Variants in TJP1 observed in about 807,000 individuals in gnomAD.
TJP1 encodes tight junction protein ZO-1.
In TJP1, 43 loss-of-function variants were observed where a neutral mutation model predicts 194.2. That is an observed-to-expected ratio of 0.22 (90% CI 0.17 to 0.29). The LOEUF is 0.29. Among genes scored for constraint, TJP1 ranks in the 10% least tolerant of loss-of-function variants. The probability of loss-of-function intolerance (pLI) is 1.00; values close to 1 mark genes in which losing one functional copy is unlikely to be tolerated. For missense variants in TJP1, 1,971 were observed against 2,185.7 expected (o/e 0.90, Z 1.96); for synonymous variants, 801 against 779.0 (o/e 1.03, Z -0.47).
At chr15:29,750,499 C>T (rs957942108) in intron 8 of TJP1, among the ~76,000 whole-genome samples, 3 of 152,152 alleles carry the variant, frequency 2.0e-5, no homozygotes, top group African/African-American at 7.2e-5. Flanking sequence ...TCCCTCATTA[C>T]TCCTGTTATG....
Position 29,822,220 on chromosome 15 carries a change from C to T in TJP1, c.-192G>A. ...ACAAAAGTCCGGGAAGCGCCCGCCC[C>T]GCCCGGGTCTTCTCCACGGGGCGCG... On this transcript the variant is annotated 5_prime_UTR_variant, in exon 1 of 28. Transcript: ENST00000614355. The T allele has an allele frequency of 1.7e-6, 2 of 1,177,702 alleles. No individual in the cohort carries two copies. The highest frequency in any genetic ancestry group is 2.1e-6 in the Non-Finnish European group (2 of 952,860). 73.0% of individuals were successfully genotyped at this position (1,177,702 alleles called of 1,614,324 possible). A position where few individuals can be genotyped will look rare whatever the true frequency, so the allele number is the denominator to read the frequency against.
At chr15:29,729,637 G>C (rs1453133122) in intron 15 of TJP1, 3 of 151,934 alleles carry the variant, frequency 2.0e-5, no homozygotes, top group Non-Finnish European at 2.9e-5. Context: ...GGCTAACACG[G>C]TGAAACCCCG....
rs775904860 is a variant in TJP1 at position 29,732,689 on chromosome 15, C to A, written c.1863G>T (p.Leu621Phe). The part of the protein sequence containing the change: ...KRNLRKSRED[L>F]SAQPVQTKFP... ...ACTTTGTTTGAACAGGCTGAGCGGACAAATCCTCTCTGCTTTTTCGAAGAT... is the reference window on the plus strand; with the variant it reads ...ACTTTGTTTGAACAGGCTGAGCGGAAAAATCCTCTCTGCTTTTTCGAAGAT... The change falls in exon 14 of 28, where the codon TTG becomes TTT. Residue 621 changes from leucine (L) to phenylalanine (F), a missense_variant. By Grantham distance (22) the Leu-to-Phe change is conservative. Coordinates refer to ENST00000614355, the MANE Select transcript of TJP1 (RefSeq NM_001330239.4). 5 of 1,614,196 alleles carry A rather than the reference C, an allele frequency of 3.1e-6. No homozygotes were observed. The highest frequency in any genetic ancestry group is 4.2e-6 in the Non-Finnish European group (5 of 1,180,046).
chr15:29,741,116 G>T, intron 10 of TJP1: 1 of 397,272 alleles, frequency 2.5e-6, no homozygotes, highest in Non-Finnish European at 4.4e-6. Context: ...GGAGACAGCG[G>T]TGAGAAAGAA....
At chr15:29,957,882 C>T (rs995623774) in intron 1 of TJP1, among the ~76,000 whole-genome samples, 1 of 152,052 alleles carries the variant, frequency 6.6e-6, no homozygotes, top group Middle Eastern at 3.2e-3. Context: ...ATGAGAATAC[C>T]CATTTGGGGG....
At chr15:29,917,211 G>A (rs888240480) in intron 2 of TJP1, among the ~76,000 whole-genome samples, 1 of 152,192 alleles carries the variant, frequency 6.6e-6, no homozygotes, top group African/African-American at 2.4e-5. Context: ...CTTCATCACA[G>A]CTCCTAGGTG....
At chr15:29,842,909 C>A (rs1567125574) in intron 2 of TJP1, among the ~76,000 whole-genome samples, 1 of 152,142 alleles carries the variant, frequency 6.6e-6, no homozygotes. Context: ...CTTGGCTTTG[C>A]CAGCTACATG....
At chr15:29,759,754 A>C (rs577210765) in intron 8 of TJP1, 2 of 154,586 alleles carry the variant, frequency 1.3e-5, no homozygotes, top group South Asian at 4.1e-4. Flanking sequence ...TTCACTTAGC[A>C]CAATGCCCTC....
chr15:29,874,056 C>T (rs1436137395), intron 2 of TJP1, among the ~76,000 whole-genome samples: 2 of 152,172 alleles, frequency 1.3e-5, no homozygotes, highest in Non-Finnish European at 2.9e-5. Flanking sequence ...GTACCACCCA[C>T]GGGGAGTTGC....
chr15:29,710,209 A>C (rs888101955), intron 24 of TJP1, among the ~76,000 whole-genome samples: 7 of 152,176 alleles, frequency 4.6e-5, no homozygotes, highest in Non-Finnish European at 1.0e-4. Flanking sequence ...AACTGTCTTT[A>C]TCTGTAAACA....
chr15:29,794,468 A>C (rs1008315568), intron 2 of TJP1, among the ~76,000 whole-genome samples: 1 of 152,232 alleles, frequency 6.6e-6, no homozygotes, highest in African/African-American at 2.4e-5. Flanking sequence ...CGGCATTATC[A>C]TAACAGACTT....
At chr15:29,711,206 CTT>C (rs2042224288) in intron 23 of TJP1, among the ~76,000 whole-genome samples, 1 of 152,110 alleles carries the variant, frequency 6.6e-6, no homozygotes, top group Admixed American at 6.5e-5. Context: ...CACACAAAAA[CTT>C]TAAGAATATT....
intron 2 of TJP1, among the ~76,000 whole-genome samples, chr15:29,946,028 A>G (rs555979808): frequency 6.6e-6 from 1 of 152,300 alleles, no homozygotes; most frequent in South Asian, 2.1e-4. Flanking sequence ...CTGGGGCAAC[A>G]AAAGTATAAA....
chr15:29,941,828 G>C (rs953393835), intron 2 of TJP1, among the ~76,000 whole-genome samples: 6 of 152,110 alleles, frequency 3.9e-5, no homozygotes, highest in Admixed American at 2.6e-4. Flanking sequence ...GTGCATGCGT[G>C]TATGTGTTTG....
At chr15:29,887,312 A>G (rs73371121) in intron 2 of TJP1, among the ~76,000 whole-genome samples, 24,588 of 148,794 alleles carry the variant, frequency 0.17, 2,375 homozygotes, top group East Asian at 0.37. Flanking sequence ...ATGTATATAT[A>G]TTTTTTGAGA....
chr15:29,874,579 A>T (rs557134519), intron 2 of TJP1, among the ~76,000 whole-genome samples: 33 of 152,358 alleles, frequency 2.2e-4, no homozygotes, highest in African/African-American at 7.9e-4. Flanking sequence ...CTCTGAGCTG[A>T]TAAAATGGTA....
At chr15:29,766,241 A>C in intron 5 of TJP1, 25 bp downstream of exon 5, 2 of 1,590,040 alleles carry the variant, frequency 1.3e-6, no homozygotes, top group Non-Finnish European at 1.7e-6. Context: ...ATGTGAAAAA[A>C]ACAGCAAGAG....
At chr15:29,715,390 A>C (rs201360655) in intron 23 of TJP1, among the ~76,000 whole-genome samples, 3 of 152,226 alleles carry the variant, frequency 2.0e-5, no homozygotes, top group African/African-American at 7.2e-5. Context: ...TAAAGCCTTA[A>C]ATATAGGACA....
chr15:29,734,218 T>G (rs996777461), intron 12 of TJP1, 56 bp downstream of exon 12: 2 of 1,216,324 alleles, frequency 1.6e-6, no homozygotes, highest in Non-Finnish European at 2.3e-6. Flanking sequence ...ATAAATCCCT[T>G]TGTAAGTCCT....
Sources: allele counts gnomAD v4.1 joint callset (sites outside exome capture counted in the v4.1 genomes callset), GRCh38; gene constraint gnomAD v4.1.1; transcripts MANE v1.5; gene names NCBI Gene and HGNC (gene_info 2026-07-23, HGNC 2026-07-21).